NEK3: variants seen among roughly 807,000 people sequenced by gnomAD.
NEK3 encodes the protein serine/threonine-protein kinase Nek3.
In NEK3, 54 loss-of-function variants were observed where a neutral mutation model predicts 66.0. That is an observed-to-expected ratio of 0.82 (90% confidence interval 0.66 to 1.03). The LOEUF is 1.03. Ranked by LOEUF, NEK3 falls within the 50% of genes least tolerant of loss-of-function variation. The pLI is 0.00. For synonymous variants in NEK3, 200 were observed against 206.2 expected (o/e 0.97, Z 0.26); for missense variants, 593 against 603.0 (o/e 0.98, Z 0.17).
chr13:52,141,130 T>C (rs961229177), intron 10 of NEK3, 61 bp from the exon 11 acceptor site: 3 of 1,443,350 alleles, frequency 2.1e-6, no homozygotes, highest in Admixed American at 2.0e-5. Context: ...CCTATTAAGT[T>C]CCTAATATGA....
At position 52,136,304 on chromosome 13, in the gene NEK3, T is replaced by A. The variant is rs116016028; in HGVS notation, c.1031-45A>T. On this transcript the variant is annotated intron_variant, in intron 12 of 15. Transcript: ENST00000610828. Reference sequence around the variant, plus strand: ...AAGGAATGCCAAGCATGTGAAATTATGTATCCATCTCTGTCCACACATAGA... The same window carrying A: ...AAGGAATGCCAAGCATGTGAAATTAAGTATCCATCTCTGTCCACACATAGA... 3,550 of 1,598,700 alleles carry A rather than the reference T, an allele frequency of 2.2e-3. 73 individuals are homozygous for A. The African/African-American group carries it at 0.043, about 19-fold the overall frequency.
Position 52,133,745 on chromosome 13 carries a change from G to T in NEK3, c.1380C>A (p.His460Gln). Residue 460 changes from histidine to glutamine, a missense_variant, in exon 15 of 16, where the codon CAC becomes CAA. By Grantham distance (24) the His-to-Gln change is conservative. Transcript: ENST00000610828. ...GCTCTGGATCCAAAATGACAGAATC[G>T]TGACCTCCATCAACACTGTCCGATG... ...TEASDSVDGG[H>Q]DSVILDPERL... 6.3e-7 allele frequency: 1 copy of T among 1,578,504 alleles called. No individual in the cohort carries two copies. Among genetic ancestry groups the T allele is most frequent in the Non-Finnish European group, 8.6e-7 (1 of 1,160,950 alleles).
chr13:52,141,008 T>C lies in NEK3; in HGVS notation c.927+12A>G, dbSNP rs1275950863. ...GCGCCCGGCCTCATAAAAGTAATTT[T>C]AAAGCACTTACCACTGTGCTTGCTT... On this transcript the variant is annotated intron_variant, in intron 11 of 15. Transcript: ENST00000610828. The C allele has an allele frequency of 6.3e-7, 1 of 1,582,724 alleles. No homozygotes were observed. Among genetic ancestry groups the C allele is most frequent in the East Asian group, 2.3e-5 (1 of 43,940 alleles).
At position 52,134,783 on chromosome 13, in the gene NEK3, C is replaced by G. The variant is rs576013119; in HGVS notation, c.1309+946G>C. On this transcript the variant is annotated intron_variant, in intron 14 of 15. Coordinates refer to ENST00000610828, the MANE Select transcript of NEK3 (RefSeq NM_002498.3). ...TAACATTTTCCTCCCATGCATTAGC[C>G]TCTCCTTAGGGCTTCCATGATCTTT... Among the ~76,000 whole-genome samples the G allele has an allele frequency of 3.3e-5, 5 of 152,290 alleles. No homozygotes were observed. In the South Asian group the frequency reaches 1.0e-3, roughly 32 times the overall value.
At chr13:52,137,284 T>TA (rs1170299094) in intron 11 of NEK3, among the ~76,000 whole-genome samples, 1 of 152,140 alleles carries the variant, frequency 6.6e-6, no homozygotes, top group East Asian at 1.9e-4. Flanking sequence ...AACTATAATA[T>TA]CAAAATGAGA....
At chr13:52,152,583 T>TA in intron 5 of NEK3, 26 bp downstream of exon 5, 4 of 1,470,078 alleles carry the variant, frequency 2.7e-6, no homozygotes, top group South Asian at 1.3e-5. Context: ...TTTTTTTTTT[T>TA]AAGTCCAAAA....
chr13:52,136,868 G>GT lies in NEK3; in HGVS notation c.961dup (p.Thr321AsnfsTer2). 1 of 1,573,694 alleles carries GT rather than the reference G, an allele frequency of 6.4e-7. No homozygotes were observed. Among genetic ancestry groups the GT allele is most frequent in the Non-Finnish European group, 8.6e-7 (1 of 1,158,304 alleles). ...ATTTTCATTAATGCTTTCCAAATCA[G>GT]TATGGCTACCCTTTCTATCTTGTTC... On this transcript the variant is annotated frameshift_variant, in exon 12 of 16. Coordinates refer to ENST00000610828, the MANE Select transcript of NEK3 (RefSeq NM_002498.3). LOFTEE classifies it high-confidence loss of function.
At chr13:52,142,697 G>A (rs1484560751) in intron 10 of NEK3, among the ~76,000 whole-genome samples, 3 of 152,204 alleles carry the variant, frequency 2.0e-5, no homozygotes, top group Non-Finnish European at 4.4e-5. Context: ...TGTTTCTTTT[G>A]TAGTATCTGC....
At chr13:52,149,947 C>T (rs1384387649) in intron 7 of NEK3, among the ~76,000 whole-genome samples, 1 of 150,588 alleles carries the variant, frequency 6.6e-6, no homozygotes. Flanking sequence ...AGAACGAAGA[C>T]CTACACTTTC....
intron 7 of NEK3, among the ~76,000 whole-genome samples, chr13:52,150,752 GA>G (rs1956337480): frequency 6.6e-6 from 1 of 152,118 alleles, no homozygotes; most frequent in Non-Finnish European, 1.5e-5. Flanking sequence ...CAGTGATCTT[GA>G]AAAATTACTG....
At chr13:52,158,038 C>T (rs71437833) in intron 1 of NEK3, among the ~76,000 whole-genome samples, 12 of 152,104 alleles carry the variant, frequency 7.9e-5, no homozygotes, top group African/African-American at 2.9e-4. Flanking sequence ...CCACCACGCC[C>T]GGCTAATTTT....
Position 52,151,405 on chromosome 13 carries a change from A to C in NEK3, c.394-13T>G. The C allele has an allele frequency of 6.4e-7, 1 of 1,565,356 alleles. No individual in the cohort carries two copies. Among genetic ancestry groups the C allele is most frequent in the Non-Finnish European group, 8.7e-7 (1 of 1,153,792 alleles). ...TGAGGAAGATATTCTGCATTTAAAA[A>C]GAAAAGCTCAGATTATGTCTTCTAT... is the stretch of plus-strand genomic sequence containing the variant. On this transcript the variant is annotated splice_polypyrimidine_tract_variant and intron_variant, in intron 5 of 15. Transcript: ENST00000610828.
intron 7 of NEK3, 84 bp from the exon 8 acceptor site, chr13:52,148,553 T>C (rs1956313352): frequency 8.5e-7 from 1 of 1,173,448 alleles, no homozygotes; most frequent in East Asian, 2.3e-5. Flanking sequence ...TTAATAAGAA[T>C]AGATATCACA....
chr13:52,152,603 A>G lies in NEK3; in HGVS notation c.393+6T>C, dbSNP rs1027489681. On this transcript the variant is annotated splice_donor_region_variant and intron_variant, in intron 5 of 15. Transcript: ENST00000610828. The stretch of plus-strand genomic sequence containing the variant: ...TTTTTTAAGTCCAAAAATGTACTCC[A>G]CTCACCTTGGACTTGATATCTCTGT... 9.5e-6 allele frequency: 15 copies of G among 1,582,150 alleles called. No individual in the cohort carries two copies. The African/African-American group carries it at 1.4e-4, about 14-fold the overall frequency.
intron 7 of NEK3, 71 bp from the exon 8 acceptor site, chr13:52,148,540 C>T: frequency 1.5e-6 from 2 of 1,343,216 alleles, no homozygotes; most frequent in Non-Finnish European, 2.1e-6. Flanking sequence ...TAATTTCTTA[C>T]CTTTAATAAG....
In NEK3 at chr13:52,132,870, C is replaced by A; in HGVS notation, c.*272G>T. ...ACAATCACACAAGTAGGTAGTGGCA[C>A]GCTAGCATCCCATTTCTGTTCTATG... is the stretch of plus-strand genomic sequence containing the variant. On this transcript the variant is annotated 3_prime_UTR_variant, in exon 16 of 16. Coordinates refer to ENST00000610828, the MANE Select transcript of NEK3 (RefSeq NM_002498.3). The A allele has an allele frequency of 2.8e-6, 1 of 351,838 alleles. No homozygotes were observed. Among genetic ancestry groups the A allele is most frequent in the South Asian group, 6.5e-5 (1 of 15,358 alleles). 21.8% of individuals were successfully genotyped at this position (351,838 alleles called of 1,614,324 possible).
rs776230395 is a variant in NEK3 at position 52,156,106 on chromosome 13, A to T, written c.86T>A (p.Met29Lys). 1 of 1,606,784 alleles carries T rather than the reference A, an allele frequency of 6.2e-7. No homozygotes were observed. Among genetic ancestry groups the T allele is most frequent in the Admixed American group, 1.7e-5 (1 of 59,088 alleles). The change falls in exon 2 of 16, where the codon ATG becomes AAG. Residue 29 changes from methionine to lysine, a missense_variant. Transcript: ENST00000610828. Reference sequence around the variant, plus strand: ...AAGCCTTATTTCTTTCATGGCAAACATCTGATTACTGCTTTCATGCTGAAC... The same window carrying T: ...AAGCCTTATTTCTTTCATGGCAAACTTCTGATTACTGCTTTCATGCTGAAC... ...LLVQHESSNQMFAMKEIRLPK... is the reference protein window; with the variant it reads ...LLVQHESSNQKFAMKEIRLPK...
intron 8 of NEK3, among the ~76,000 whole-genome samples, chr13:52,147,250 T>A (rs1480831873): frequency 6.6e-6 from 1 of 152,204 alleles, no homozygotes; most frequent in East Asian, 1.9e-4. Flanking sequence ...AATTACCATA[T>A]GACCCAGCAG....
chr13:52,133,972 G>A (rs1457703019), intron 14 of NEK3, 157 bp from the exon 15 acceptor site: 1 of 681,350 alleles, frequency 1.5e-6, no homozygotes, highest in Non-Finnish European at 2.4e-6. Flanking sequence ...CATGATTGTA[G>A]GCATAAAACA....
Sources: allele counts gnomAD v4.1 joint callset (sites outside exome capture counted in the v4.1 genomes callset), GRCh38; gene constraint gnomAD v4.1.1; transcripts MANE v1.5; gene names NCBI Gene and HGNC (gene_info 2026-07-23, HGNC 2026-07-21).